IGFL2: variants seen among roughly 807,000 people sequenced by gnomAD.
IGFL2 encodes the protein insulin growth factor-like family member 2.
A neutral mutation model predicts 13.9 loss-of-function variants in IGFL2; 7 were observed. That is an observed-to-expected ratio of 0.51 (90% CI 0.29 to 0.95). The LOEUF (loss-of-function observed/expected upper bound fraction) is 0.95. IGFL2 is among the 40% of genes least tolerant of loss of function. The pLI is 0.08. For missense variants in IGFL2, 138 were observed against 147.8 expected, an observed-to-expected ratio of 0.93 and a Z score of 0.34; for synonymous variants, 55 against 55.8, an observed-to-expected ratio of 0.99 and a Z score of 0.07.
At chr19:46,113,001 T>C in the IGFL2 span, 1 of 152,202 alleles carries the variant, frequency 6.6e-6, no homozygotes, top group Admixed American at 6.5e-5. Flanking sequence ...AAAGAAAAAG[T>C]CTATTAATAA....
the IGFL2 span, among the ~76,000 whole-genome samples, chr19:46,089,354 T>C: frequency 6.6e-6 from 1 of 152,216 alleles, no homozygotes; most frequent in Non-Finnish European, 1.5e-5. Context: ...ATTATTGTGA[T>C]TATTTTTAAT....
chr19:46,200,954 T>C, the IGFL2 span: 1 of 152,222 alleles, frequency 6.6e-6, no homozygotes, highest in Admixed American at 6.5e-5. Flanking sequence ...ACTAACCCAT[T>C]TTTGTGTCTG....
the IGFL2 span, among the ~76,000 whole-genome samples, chr19:46,109,477 G>C: frequency 6.6e-6 from 1 of 151,998 alleles, no homozygotes; most frequent in Non-Finnish European, 1.5e-5. Flanking sequence ...ACCACACCCA[G>C]CTAATTTTTT....
the IGFL2 span, among the ~76,000 whole-genome samples, chr19:46,170,692 G>A: frequency 6.6e-6 from 1 of 152,124 alleles, no homozygotes; most frequent in African/African-American, 2.4e-5. Context: ...TCCCAGGGGG[G>A]CCTCTAAAAT....
At chr19:46,176,967 C>T in the IGFL2 span, among the ~76,000 whole-genome samples, 3 of 152,210 alleles carry the variant, frequency 2.0e-5, no homozygotes, top group Non-Finnish European at 4.4e-5. Context: ...CTCTTCTAAG[C>T]ACACGCATTA....
the IGFL2 span, among the ~76,000 whole-genome samples, chr19:46,081,689 G>C: frequency 5.3e-5 from 8 of 152,292 alleles, 1 homozygote; most frequent in Admixed American, 3.9e-4. Flanking sequence ...CCTCTGCACA[G>C]TTCTTCTTTG....
At position 46,160,792 on chromosome 19, in the gene IGFL2, T is replaced by C; in HGVS notation, c.252T>C (p.Phe84=). 1 of 1,614,104 alleles carries C rather than the reference T, an allele frequency of 6.2e-7. No individual in the cohort carries two copies. The highest frequency in any genetic ancestry group is 8.5e-7 in the Non-Finnish European group (1 of 1,179,972). ...PCFELCCLDS[F]GLTNDFVVKL... is the part of the protein sequence containing the mutation. ...TTGAGCTCTGCTGTCTTGATTCCTTTGGCCTCACAAACGATTTTGTTGTGA... is the reference window on the plus strand; with the variant it reads ...TTGAGCTCTGCTGTCTTGATTCCTTCGGCCTCACAAACGATTTTGTTGTGA... The change falls in exon 3 of 4, where the codon TTT becomes TTC. Residue 84 remains phenylalanine, a synonymous_variant. Transcript: ENST00000377693.
the IGFL2 span, chr19:46,213,032 C>T: frequency 2.0e-5 from 3 of 152,316 alleles, no homozygotes; most frequent in East Asian, 1.9e-4. Flanking sequence ...GTTACTGCAT[C>T]CTGGGCCATG....
chr19:46,209,733 C>T, the IGFL2 span: 1 of 152,214 alleles, frequency 6.6e-6, no homozygotes, highest in Admixed American at 6.5e-5. Context: ...CCTCTCCCCT[C>T]TCCTCAGAAC....
Position 46,148,435 on chromosome 19 carries a change from CATTGCAA to C in IGFL2, c.19+139_19+145del, listed in dbSNP as rs574920303. The C allele has an allele frequency of 1.5e-3, 1,161 of 778,204 alleles. 12 individuals carry two copies. Among genetic ancestry groups the C allele is most frequent in the South Asian group, 0.011 (722 of 63,692 alleles). 48.2% of individuals were successfully genotyped at this position (778,204 alleles called of 1,614,324 possible). A position where few individuals can be genotyped will look rare whatever the true frequency, so the allele number is the denominator to read the frequency against. On this transcript the variant is annotated intron_variant, in intron 1 of 3. Coordinates refer to ENST00000377693, the MANE Select transcript of IGFL2 (RefSeq NM_001135113.2). ...TAATCACCCGTGTCCTCTCTGACTGCATTGCAATCTCTCTTCCCCACCTGCAAATTCC... is the reference window on the plus strand; with the variant it reads ...TAATCACCCGTGTCCTCTCTGACTGCTCTCTCTTCCCCACCTGCAAATTCC...
the IGFL2 span, among the ~76,000 whole-genome samples, chr19:46,080,157 G>C: frequency 6.6e-6 from 1 of 152,196 alleles, no homozygotes; most frequent in African/African-American, 2.4e-5. Context: ...GTCACGGGCA[G>C]ATATTTATTA....
At chr19:46,176,715 A>T in the IGFL2 span, among the ~76,000 whole-genome samples, 2,288 of 152,118 alleles carry the variant, frequency 0.015, 19 homozygotes, top group Middle Eastern at 0.031. Context: ...GCTGTCATTC[A>T]CCCCTGGGAG....
downstream of IGFL2, among the ~76,000 whole-genome samples, chr19:46,162,510 T>C (rs1434619676): frequency 6.6e-6 from 1 of 152,230 alleles, no homozygotes; most frequent in Non-Finnish European, 1.5e-5. Flanking sequence ...TATTTTTCTT[T>C]ATTTTTGTCT....
chr19:46,200,129 G>A, the IGFL2 span, among the ~76,000 whole-genome samples: 1 of 152,040 alleles, frequency 6.6e-6, no homozygotes, highest in Non-Finnish European at 1.5e-5. Context: ...TGGGATTACA[G>A]GTGTGAGCCA....
chr19:46,108,774 C>T, the IGFL2 span, among the ~76,000 whole-genome samples: 17 of 152,200 alleles, frequency 1.1e-4, no homozygotes, highest in African/African-American at 2.2e-4. Context: ...TAAACACCAA[C>T]GGAAGACTGT....
At chr19:46,105,811 A>G in the IGFL2 span, among the ~76,000 whole-genome samples, 1 of 152,174 alleles carries the variant, frequency 6.6e-6, no homozygotes. Flanking sequence ...AGTAAGGTCA[A>G]GTTGTTTGGA....
chr19:46,176,765 G>A, the IGFL2 span, among the ~76,000 whole-genome samples: 1 of 152,168 alleles, frequency 6.6e-6, no homozygotes, highest in African/African-American at 2.4e-5. Context: ...TTGAGACTGC[G>A]ATGTGACCGG....
intron 1 of IGFL2, among the ~76,000 whole-genome samples, chr19:46,153,054 T>C (rs1228095078): frequency 6.6e-6 from 1 of 152,240 alleles, no homozygotes; most frequent in Non-Finnish European, 1.5e-5. Flanking sequence ...TTATATATGC[T>C]GCTGGATTTG....
chr19:46,160,657 G>A lies in IGFL2; in HGVS notation c.117G>A (p.Arg39=). Residue 39 remains arginine, a synonymous_variant, in exon 3 of 4, where the codon AGG becomes AGA. Coordinates refer to ENST00000377693, the MANE Select transcript of IGFL2 (RefSeq NM_001135113.2). ...CATGGCTGTGCCAGCCGGCACCCAG[G>A]TGTGGAGACAAGATCTACAACCCCT... ...SEPWLCQPAP[R]CGDKIYNPLE... is the part of the protein sequence containing the mutation. 1 of 1,614,156 alleles carries A rather than the reference G, an allele frequency of 6.2e-7. No individual in the cohort carries two copies. The highest frequency in any genetic ancestry group is 1.3e-5 in the African/African-American group (1 of 75,034).
Sources: gnomAD v4.1 joint callset for allele counts (sites outside exome capture counted in the v4.1 genomes callset) on GRCh38, gnomAD v4.1.1 for gene constraint, MANE v1.5 for transcripts, NCBI Gene and HGNC (gene_info 2026-07-23, HGNC 2026-07-21) for gene names.